The following EFCAB8 variants were observed in gnomAD, a reference collection of about 807,000 sequenced individuals.
The protein encoded by EFCAB8 is EF-hand calcium-binding domain-containing protein 8.
A neutral mutation model predicts 116.3 loss-of-function variants in EFCAB8; 100 were observed. That is an observed-to-expected ratio of 0.86 (90% confidence interval 0.73 to 1.02). The LOEUF (loss-of-function observed/expected upper bound fraction) is 1.02, where lower values mean the gene tolerates loss of function less well. Ranked by LOEUF, EFCAB8 falls within the 50% of genes least tolerant of loss-of-function variation. The pLI, the probability that EFCAB8 is intolerant of heterozygous loss-of-function variation, is 0.00. For synonymous variants in EFCAB8, 558 were observed against 567.9 expected (o/e 0.98, Z 0.25); for missense variants, 1,320 against 1,416.9 (o/e 0.93, Z 1.10).
chr20:32,869,479 G>A (rs1025918277), intron 3 of EFCAB8, among the ~76,000 whole-genome samples: 3 of 152,080 alleles, frequency 2.0e-5, no homozygotes, highest in Non-Finnish European at 1.5e-5. Context: ...CAGGTGATCC[G>A]CCTGCCTTAG....
At chr20:32,935,188 C>CTTCTTTTTTTTTTTTTT (rs1425422102) in intron 22 of EFCAB8, among the ~76,000 whole-genome samples, 2 of 66,928 alleles carry the variant, frequency 3.0e-5, no homozygotes, top group Non-Finnish European at 5.3e-5. Context: ...TTCTTTCTTT[C>CTTCTTTTTTTTTTTTTT]TTTCTTTTTT....
intron 2 of EFCAB8, among the ~76,000 whole-genome samples, chr20:32,867,035 A>C (rs995750649): frequency 2.0e-5 from 3 of 151,800 alleles, no homozygotes; most frequent in African/African-American, 7.3e-5. Flanking sequence ...CTCCTGCCTC[A>C]GCCTCCTGAG....
At chr20:32,860,719 T>C (rs1984071724) in intron 1 of EFCAB8, among the ~76,000 whole-genome samples, 1 of 151,960 alleles carries the variant, frequency 6.6e-6, no homozygotes, top group South Asian at 2.1e-4. Context: ...GTGCACCCTT[T>C]TCTGCATCTT....
At chr20:32,868,456 A>G (rs765269997) in intron 3 of EFCAB8, among the ~76,000 whole-genome samples, 5 of 152,158 alleles carry the variant, frequency 3.3e-5, no homozygotes, top group Non-Finnish European at 5.9e-5. Context: ...GGATCTAGAA[A>G]ATTTTTAAAA....
In EFCAB8 at chr20:32,898,560, C is replaced by G; in HGVS notation, c.1025C>G (p.Ser342Ter). 1 of 718,676 alleles carries G rather than the reference C, an allele frequency of 1.4e-6. No individual in the cohort carries two copies. The allele number at this position is 718,676 out of a possible 1,614,324, so 44.5% of individuals were successfully genotyped here. A position where few individuals can be genotyped will look rare whatever the true frequency, so the allele number is the denominator to read the frequency against. Residue 342 changes from serine (S) to a stop codon, truncating the protein, a stop_gained, in exon 11 of 27, where the codon TCA (serine) becomes TGA (stop). Coordinates refer to ENST00000400522, the MANE Select transcript of EFCAB8 (RefSeq NM_001143967.2). LOFTEE classifies it high-confidence loss of function. Reference sequence around the variant, plus strand: ...CAGATGAATGTGGTAGTCTCCTGTTCAGCCATCGAGAAGTCCTCTCTGGTG... The same window carrying G: ...CAGATGAATGTGGTAGTCTCCTGTTGAGCCATCGAGAAGTCCTCTCTGGTG... ...IPQMNVVVSC[S>*]AIEKSSLVLT... is the part of the protein sequence containing the mutation.
intron 22 of EFCAB8, among the ~76,000 whole-genome samples, chr20:32,931,541 G>A (rs1258987148): frequency 2.6e-5 from 4 of 151,984 alleles, no homozygotes; most frequent in African/African-American, 9.7e-5. Flanking sequence ...GGTGGATCAC[G>A]AGGTCAGGAG....
intron 1 of EFCAB8, among the ~76,000 whole-genome samples, chr20:32,860,097 A>C (rs1984026402): frequency 6.6e-6 from 1 of 152,152 alleles, no homozygotes; most frequent in African/African-American, 2.4e-5. Flanking sequence ...ACTTGAGGCC[A>C]AGGAGTTTGA....
chr20:32,931,414 T>C, intron 22 of EFCAB8, 78 bp downstream of exon 22: 1 of 1,415,520 alleles, frequency 7.1e-7, no homozygotes, highest in East Asian at 2.6e-5. Flanking sequence ...AACTAACTCA[T>C]ACCCAAGAGA....
At chr20:32,876,347 T>C (rs927891818) in intron 4 of EFCAB8, among the ~76,000 whole-genome samples, 1 of 152,178 alleles carries the variant, frequency 6.6e-6, no homozygotes, top group African/African-American at 2.4e-5. Flanking sequence ...CCCATTTGGC[T>C]TGGGGGATTC....
intron 22 of EFCAB8, among the ~76,000 whole-genome samples, chr20:32,932,656 C>G (rs1226929119): frequency 6.6e-6 from 1 of 152,146 alleles, no homozygotes; most frequent in African/African-American, 2.4e-5. Flanking sequence ...GCTTTTCTTG[C>G]TGTATGATAT....
intron 7 of EFCAB8, 56 bp downstream of exon 7, chr20:32,889,462 G>T: frequency 6.7e-7 from 1 of 1,488,716 alleles, no homozygotes; most frequent in Non-Finnish European, 9.2e-7. Context: ...CCATGCATTT[G>T]TGCCTGGGAG....
chr20:32,870,724 A>G (rs1438314098), intron 3 of EFCAB8, among the ~76,000 whole-genome samples: 2 of 151,866 alleles, frequency 1.3e-5, no homozygotes, highest in African/African-American at 4.8e-5. Flanking sequence ...CTAGTCTCAA[A>G]CTCCTGGCTT....
chr20:32,885,452 C>A lies in EFCAB8; in HGVS notation c.432-53C>A, dbSNP rs1320609608. On this transcript the variant is annotated intron_variant, in intron 5 of 26. Coordinates refer to ENST00000400522, the MANE Select transcript of EFCAB8 (RefSeq NM_001143967.2). ...GCTCTCTGTTCTGCCGCAGGTGCCCCCTCCCTGAGCTGTTTTTGCTTGGGC... is the reference window on the plus strand; with the variant it reads ...GCTCTCTGTTCTGCCGCAGGTGCCCACTCCCTGAGCTGTTTTTGCTTGGGC... The A allele has an allele frequency of 1.9e-6, 3 of 1,545,186 alleles. No homozygotes were observed. In the South Asian group the frequency reaches 3.6e-5, roughly 19 times the overall value.
In EFCAB8 at chr20:32,885,535, G is replaced by A; in HGVS notation, c.462G>A (p.Val154=). Residue 154 remains valine, a synonymous_variant, in exon 6 of 27, where the codon GTG becomes GTA. Coordinates refer to ENST00000400522, the MANE Select transcript of EFCAB8 (RefSeq NM_001143967.2). ...LNHGCEVVKV[V]FLIHRFKKIG... is the part of the protein sequence containing the mutation. ...ATGGCTGTGAGGTGGTGAAGGTGGT[G>A]TTTTTAATCCACCGGTTCAAGAAGA... 6.4e-7 allele frequency: 1 copy of A among 1,551,754 alleles called. No homozygotes were observed. Among genetic ancestry groups the A allele is most frequent in the Non-Finnish European group, 8.7e-7 (1 of 1,146,994 alleles).
chr20:32,947,085 G>A (rs115622979), intron 23 of EFCAB8, among the ~76,000 whole-genome samples: 1,746 of 152,250 alleles, frequency 0.011, 34 homozygotes, highest in African/African-American at 0.04. Context: ...GAATGAAGCC[G>A]CTTTAAACAT....
chr20:32,920,800 G>T (rs1444443866), intron 20 of EFCAB8, among the ~76,000 whole-genome samples: 2 of 152,144 alleles, frequency 1.3e-5, no homozygotes, highest in Non-Finnish European at 2.9e-5. Flanking sequence ...CTAGGGAAGT[G>T]AGCAGTGTCC....
chr20:32,898,778 C>T (rs1454305218), intron 11 of EFCAB8, among the ~76,000 whole-genome samples, 155 bp downstream of exon 11: 1 of 152,188 alleles, frequency 6.6e-6, no homozygotes, highest in African/African-American at 2.4e-5. Context: ...GGTGAGAACA[C>T]AGCAGCCTCT....
rs139015815 is a variant in EFCAB8 at position 32,901,966 on chromosome 20, G to A, written c.1088+3343G>A. The stretch of plus-strand genomic sequence containing the variant: ...CTCCCAAAGTGCTGGGATTACAGGC[G>A]TGAGCCACCGCTCCTGGCCTTGTTT... On this transcript the variant is annotated intron_variant, in intron 11 of 26. Transcript: ENST00000400522. 2.4e-3 allele frequency among the ~76,000 whole-genome samples: 364 copies of A among 152,310 alleles called. 3 individuals carry two copies. The highest frequency in any genetic ancestry group is 8.5e-3 in the African/African-American group (352 of 41,570).
intron 5 of EFCAB8, among the ~76,000 whole-genome samples, chr20:32,884,449 G>T (rs899423710): frequency 2.0e-5 from 3 of 152,236 alleles, no homozygotes; most frequent in African/African-American, 4.8e-5. Flanking sequence ...AGGGTTGGAA[G>T]AGATGAGAGG....
Sources: gnomAD v4.1 joint callset for allele counts (sites outside exome capture counted in the v4.1 genomes callset) on GRCh38, gnomAD v4.1.1 for gene constraint, MANE v1.5 for transcripts, NCBI Gene and HGNC (gene_info 2026-07-23, HGNC 2026-07-21) for gene names.